Variants in PCLO observed in about 807,000 individuals in gnomAD.
PCLO encodes protein piccolo.
A neutral mutation model predicts 427.5 loss-of-function variants in PCLO; 82 were observed. That is an observed-to-expected ratio of 0.19 (90% CI 0.16 to 0.23). The LOEUF is 0.23. Ranked by LOEUF, PCLO falls within the 10% of genes least tolerant of loss-of-function variation. The pLI, the probability that PCLO is intolerant of heterozygous loss-of-function variation, is 1.00. For missense variants in PCLO, 6,239 were observed against 6,115.9 expected, an observed-to-expected ratio of 1.02 and a Z score of -0.67; for synonymous variants, 2,357 against 2,155.4, an observed-to-expected ratio of 1.09 and a Z score of -2.59.
intron 10 of PCLO, among the ~76,000 whole-genome samples, chr7:82,870,499 TA>T (rs889713424): frequency 1.3e-5 from 2 of 151,788 alleles, no homozygotes; most frequent in Non-Finnish European, 2.9e-5. Flanking sequence ...AGAAAAACAT[TA>T]AAAGAATACT....
At chr7:82,973,183 A>G (rs1795943537) in intron 3 of PCLO, among the ~76,000 whole-genome samples, 1 of 152,132 alleles carries the variant, frequency 6.6e-6, no homozygotes, top group Non-Finnish European at 1.5e-5. Context: ...GCAGTTTATA[A>G]GTATGCATAA....
intron 9 of PCLO, among the ~76,000 whole-genome samples, chr7:82,888,209 G>A (rs954158282): frequency 2.0e-5 from 3 of 152,072 alleles, no homozygotes; most frequent in Non-Finnish European, 4.4e-5. Context: ...TTTGTTCCAC[G>A]GATATTCCAG....
intron 3 of PCLO, among the ~76,000 whole-genome samples, chr7:83,041,006 T>C (rs1195127385): frequency 2.6e-5 from 4 of 152,316 alleles, no homozygotes; most frequent in African/African-American, 2.4e-5. Context: ...ATCAGGAAAT[T>C]TAACTTCTAT....
chr7:83,110,372 T>C (rs1199459162), intron 3 of PCLO, among the ~76,000 whole-genome samples: 1 of 152,086 alleles, frequency 6.6e-6, no homozygotes, highest in Non-Finnish European at 1.5e-5. Context: ...TTTATCACCA[T>C]ATAGTTGACA....
At chr7:83,038,017 A>ATTTATATATTTATATATATATCTT (rs1475193761) in intron 3 of PCLO, among the ~76,000 whole-genome samples, 1 of 44,928 alleles carries the variant, frequency 2.2e-5, no homozygotes, top group Non-Finnish European at 3.5e-5. Flanking sequence ...ATATATATAT[A>ATTTATATATTTATATATATATCTT]TATATATATA....
chr7:82,914,691 C>T lies in PCLO; in HGVS notation c.13295G>A (p.Ser4432Asn), dbSNP rs755630099. 6.2e-7 allele frequency: 1 copy of T among 1,613,002 alleles called. No homozygotes were observed. Among genetic ancestry groups the T allele is most frequent in the Non-Finnish European group, 8.5e-7 (1 of 1,179,488 alleles). The stretch of plus-strand genomic sequence containing the variant: ...TAGTTTGAGGCCCAATTTACCTTCA[C>T]TGTCTGACATGGCATGTTGGAAGTC... ...MDDFQHAMSDSEAYHLRREET... is the reference protein window; with the variant it reads ...MDDFQHAMSDNEAYHLRREET... The change falls in exon 7 of 25, where the codon AGT (serine) becomes AAT (asparagine). Residue 4432 changes from serine (S) to asparagine (N), a missense_variant. Coordinates refer to ENST00000333891, the MANE Select transcript of PCLO (RefSeq NM_033026.6).
At chr7:82,946,196 C>T (rs1795197150) in intron 6 of PCLO, among the ~76,000 whole-genome samples, 1 of 152,154 alleles carries the variant, frequency 6.6e-6, no homozygotes, top group Admixed American at 6.5e-5. Flanking sequence ...TGTCCAAGTA[C>T]AGCAATGAAA....
chr7:83,035,043 G>T (rs1461505416), intron 3 of PCLO, among the ~76,000 whole-genome samples: 1 of 152,094 alleles, frequency 6.6e-6, no homozygotes, highest in Non-Finnish European at 1.5e-5. Flanking sequence ...TAACTCTTTA[G>T]GTGATATAAT....
At chr7:83,060,752 A>G (rs536151166) in intron 3 of PCLO, among the ~76,000 whole-genome samples, 1 of 152,312 alleles carries the variant, frequency 6.6e-6, no homozygotes, top group South Asian at 2.1e-4. Context: ...TTCAAAAAAT[A>G]GTGCACTGAA....
chr7:83,045,052 C>T (rs1051664365), intron 3 of PCLO, among the ~76,000 whole-genome samples: 2 of 152,122 alleles, frequency 1.3e-5, no homozygotes, highest in African/African-American at 4.8e-5. Context: ...GTTGTAAAAT[C>T]TGACTGAAAA....
intron 7 of PCLO, among the ~76,000 whole-genome samples, chr7:82,912,744 T>A (rs920932790): frequency 1.3e-5 from 2 of 152,080 alleles, no homozygotes; most frequent in Admixed American, 1.3e-4. Flanking sequence ...GGAAATAGAA[T>A]ATTCTGTTAT....
intron 3 of PCLO, among the ~76,000 whole-genome samples, chr7:83,047,822 C>G (rs1789139278): frequency 6.6e-6 from 1 of 151,926 alleles, no homozygotes; most frequent in Admixed American, 6.6e-5. Context: ...ATGATATGAA[C>G]CCAGGTTTGT....
At chr7:82,904,417 T>C (rs1794132555) in intron 8 of PCLO, among the ~76,000 whole-genome samples, 1 of 151,972 alleles carries the variant, frequency 6.6e-6, no homozygotes, top group Non-Finnish European at 1.5e-5. Flanking sequence ...TTAAAAATCT[T>C]TATTTTTTAC....
chr7:82,867,895 A>C (rs1173756096), intron 10 of PCLO, among the ~76,000 whole-genome samples: 1 of 152,168 alleles, frequency 6.6e-6, no homozygotes, highest in African/African-American at 2.4e-5. Flanking sequence ...TAGTATCGTG[A>C]TGTGGTGTGA....
At chr7:82,810,504 A>G (rs975517915) in intron 20 of PCLO, among the ~76,000 whole-genome samples, 1 of 151,604 alleles carries the variant, frequency 6.6e-6, no homozygotes, top group African/African-American at 2.4e-5. Flanking sequence ...TGATAGAATC[A>G]GCTCACTCAT....
intron 6 of PCLO, among the ~76,000 whole-genome samples, chr7:82,948,201 A>T (rs1795248071): frequency 6.6e-6 from 1 of 152,106 alleles, no homozygotes; most frequent in Non-Finnish European, 1.5e-5. Context: ...ATACTGGATG[A>T]AATCTCAATA....
At chr7:82,908,346 T>C (rs1460211616) in intron 8 of PCLO, among the ~76,000 whole-genome samples, 1 of 152,040 alleles carries the variant, frequency 6.6e-6, no homozygotes, top group Non-Finnish European at 1.5e-5. Flanking sequence ...CAATATCTAC[T>C]TTATGTGAGT....
intron 6 of PCLO, among the ~76,000 whole-genome samples, chr7:82,925,712 G>GTT (rs1311816073): frequency 9.5e-6 from 1 of 104,838 alleles, no homozygotes. Context: ...AATTTTTGTT[G>GTT]CTTTTTTTTT....
intron 1 of PCLO, among the ~76,000 whole-genome samples, chr7:83,161,112 AC>A (rs1226366832): frequency 2.0e-5 from 3 of 152,212 alleles, no homozygotes; most frequent in African/African-American, 7.2e-5. Context: ...CAGACTTTTT[AC>A]CTGGTAGATT....
Sources: allele counts gnomAD v4.1 joint callset (sites outside exome capture counted in the v4.1 genomes callset), GRCh38; gene constraint gnomAD v4.1.1; transcripts MANE v1.5; gene names NCBI Gene and HGNC (gene_info 2026-07-23, HGNC 2026-07-21).